The following ST3GAL3 variants were observed in gnomAD, a reference collection of about 807,000 sequenced individuals.
The protein encoded by ST3GAL3 is ST3 beta-galactoside alpha-2,3-sialyltransferase 3.
Under a neutral mutation model 50.1 loss-of-function variants are expected in ST3GAL3, and 21 were observed. That is an observed-to-expected ratio of 0.42 (90% confidence interval 0.30 to 0.60). The LOEUF (loss-of-function observed/expected upper bound fraction) is 0.60. Ranked by LOEUF, ST3GAL3 falls within the 20% of genes least tolerant of loss-of-function variation. The probability of loss-of-function intolerance (pLI) is 0.19; values close to 1 mark genes in which losing one functional copy is unlikely to be tolerated. For missense variants in ST3GAL3, 353 were observed against 489.4 expected (o/e 0.72, Z 2.63); for synonymous variants, 183 against 190.0 (o/e 0.96, Z 0.30).
chr1:43,817,572 TTC>T (rs1491184751), intron 4 of ST3GAL3, among the ~76,000 whole-genome samples: 1,511 of 99,400 alleles, frequency 0.015, 52 homozygotes, highest in South Asian at 0.022. Flanking sequence ...TTCCTTCTTC[TTC>T]TCCTTCTCCT....
At chr1:43,864,168 A>G (rs2070741113) in intron 5 of ST3GAL3, among the ~76,000 whole-genome samples, 1 of 152,224 alleles carries the variant, frequency 6.6e-6, no homozygotes, top group African/African-American at 2.4e-5. Context: ...AATCCCAGCT[A>G]CTTGAGAGGC....
At chr1:43,724,527 A>G (rs1390665623) in intron 1 of ST3GAL3, among the ~76,000 whole-genome samples, 3 of 151,936 alleles carry the variant, frequency 2.0e-5, no homozygotes, top group Non-Finnish European at 2.9e-5. Flanking sequence ...ACTCTGCTTG[A>G]GTGTTACTAT....
intron 2 of ST3GAL3, among the ~76,000 whole-genome samples, chr1:43,782,792 T>C (rs1699789885): frequency 6.6e-6 from 1 of 152,216 alleles, no homozygotes; most frequent in East Asian, 1.9e-4. Context: ...ATGGCAAATA[T>C]GAACTTGAAA....
chr1:43,813,895 GCACACACGCACACA>G (rs1191905707), intron 3 of ST3GAL3, among the ~76,000 whole-genome samples: 5 of 97,860 alleles, frequency 5.1e-5, no homozygotes, highest in African/African-American at 1.3e-4. Context: ...ACACACACAC[GCACACACGCACACA>G]CACACACACA....
At chr1:43,707,767 T>TC (rs1177410445) in intron 1 of ST3GAL3, 74 bp downstream of exon 1, 1 of 151,566 alleles carries the variant, frequency 6.6e-6, no homozygotes, top group East Asian at 1.9e-4. Flanking sequence ...GCCCCGCCCC[T>TC]CCCCCGCCGG....
At chr1:43,771,033 C>T (rs1006483755) in intron 2 of ST3GAL3, among the ~76,000 whole-genome samples, 1 of 152,130 alleles carries the variant, frequency 6.6e-6, no homozygotes, top group African/African-American at 2.4e-5. Flanking sequence ...GCTTTGCATG[C>T]CTTACCTTCC....
intron 2 of ST3GAL3, among the ~76,000 whole-genome samples, chr1:43,750,418 A>G (rs2154109242): frequency 6.6e-6 from 1 of 152,338 alleles, no homozygotes; most frequent in Non-Finnish European, 1.5e-5. Flanking sequence ...AACAACCTAA[A>G]TTTCCATCAG....
intron 1 of ST3GAL3, among the ~76,000 whole-genome samples, chr1:43,716,022 G>A (rs947076993): frequency 2.0e-5 from 3 of 152,216 alleles, no homozygotes; most frequent in Non-Finnish European, 4.4e-5. Context: ...CTGGTATATA[G>A]TTACGAGTTT....
intron 4 of ST3GAL3, among the ~76,000 whole-genome samples, chr1:43,836,015 T>C (rs2064272591): frequency 6.6e-6 from 1 of 152,190 alleles, no homozygotes; most frequent in African/African-American, 2.4e-5. Flanking sequence ...CCACTGGTGT[T>C]AGAGACCTTG....
intron 4 of ST3GAL3, among the ~76,000 whole-genome samples, chr1:43,817,738 C>T (rs1268213950): frequency 2.5e-5 from 3 of 117,728 alleles, no homozygotes; most frequent in Non-Finnish European, 3.6e-5. Context: ...CCTCCCCCTC[C>T]TCCTCCTTCT....
In ST3GAL3 at chr1:43,796,653, A is replaced by AT. The variant is rs549510621; in HGVS notation, c.166+4507dup. On this transcript the variant is annotated intron_variant, in intron 3 of 11. Transcript: ENST00000347631. ...CAAAAATATGAACATTCTCCACTGGATTTAAACAAGATGTAGAGTCTCATA... is the reference window on the plus strand; with the variant it reads ...CAAAAATATGAACATTCTCCACTGGATTTTAAACAAGATGTAGAGTCTCATA... Among the ~76,000 whole-genome samples, 17 of 152,332 alleles carry AT rather than the reference A, an allele frequency of 1.1e-4. No individual in the cohort carries two copies. The East Asian group carries it at 2.9e-3, about 26-fold the overall frequency.
intron 3 of ST3GAL3, among the ~76,000 whole-genome samples, chr1:43,804,738 A>G (rs2154166845): frequency 6.6e-6 from 1 of 152,360 alleles, no homozygotes; most frequent in Admixed American, 6.5e-5. Flanking sequence ...GGCAGGTGAC[A>G]GTGATGTAAT....
At chr1:43,848,119 T>C (rs546454743) in intron 5 of ST3GAL3, among the ~76,000 whole-genome samples, 45 of 152,268 alleles carry the variant, frequency 3.0e-4, no homozygotes, top group African/African-American at 1.1e-3. Context: ...CCTCCCCCAC[T>C]ACCTTAAATA....
chr1:43,712,837 G>A (rs1016332982), intron 1 of ST3GAL3, among the ~76,000 whole-genome samples: 2 of 152,184 alleles, frequency 1.3e-5, no homozygotes, highest in Non-Finnish European at 2.9e-5. Context: ...AGCCTGTTGG[G>A]GGAGTGTGTG....
chr1:43,870,285 T>A (rs1233132116), intron 5 of ST3GAL3, among the ~76,000 whole-genome samples: 1 of 152,246 alleles, frequency 6.6e-6, no homozygotes, highest in Admixed American at 6.5e-5. Context: ...AAACATTTAT[T>A]GAAACCCTGC....
intron 5 of ST3GAL3, among the ~76,000 whole-genome samples, chr1:43,865,723 C>T (rs959510017): frequency 1.3e-5 from 2 of 152,142 alleles, no homozygotes; most frequent in Admixed American, 1.3e-4. Context: ...GATCACTGGG[C>T]TTTACTCCTC....
chr1:43,857,506 C>CCTTCCCT (rs1558603638), intron 5 of ST3GAL3, among the ~76,000 whole-genome samples: 10 of 123,372 alleles, frequency 8.1e-5, no homozygotes, highest in African/African-American at 2.6e-4. Context: ...CTTCCCTCTT[C>CCTTCCCT]CTTCCTTCCT....
At chr1:43,718,124 T>A (rs1171771038) in intron 1 of ST3GAL3, among the ~76,000 whole-genome samples, 2 of 151,058 alleles carry the variant, frequency 1.3e-5, no homozygotes. Context: ...CTGCCTGCCT[T>A]GGCCTCCCAA....
intron 2 of ST3GAL3, among the ~76,000 whole-genome samples, chr1:43,774,914 C>T (rs147454953): frequency 1.1e-3 from 174 of 152,242 alleles, no homozygotes; most frequent in Middle Eastern, 3.4e-3. Flanking sequence ...CACAGGTAAA[C>T]CTTCAGTTAC....
Sources: allele counts gnomAD v4.1 joint callset (sites outside exome capture counted in the v4.1 genomes callset), GRCh38; gene constraint gnomAD v4.1.1; transcripts MANE v1.5; gene names NCBI Gene and HGNC (gene_info 2026-07-23, HGNC 2026-07-21).